DHRSX: variants seen among roughly 807,000 people sequenced by gnomAD.
DHRSX encodes the protein dehydrogenase/reductase X-linked, also known as polyprenol dehydrogenase.
A neutral mutation model predicts 34.0 loss-of-function variants in DHRSX; 31 were observed. The observed-to-expected ratio is 0.91, with a 90% CI of 0.69 to 1.23. The LOEUF is 1.23. Among genes scored for constraint, DHRSX ranks in the 50% most tolerant of loss-of-function variants. The pLI is 0.00. For missense variants in DHRSX, 414 were observed against 428.1 expected (o/e 0.97, Z 0.29); for synonymous variants, 201 against 183.8 (o/e 1.09, Z -0.76).
rs1230673885 is a variant in DHRSX at position 2,220,842 on chromosome X, T to C, written c.*199A>G. The stretch of plus-strand genomic sequence containing the variant: ...CACAAAGTTTATGGTTGAAGACCAC[T>C]TGGGGTGATTATCCTCCAAAATGTT... On this transcript the variant is annotated 3_prime_UTR_variant, in exon 7 of 7. Coordinates refer to ENST00000334651, the MANE Select transcript of DHRSX (RefSeq NM_145177.3). The C allele has an allele frequency of 3.7e-6, 2 of 543,188 alleles. No homozygotes were observed. Among genetic ancestry groups the C allele is most frequent in the Non-Finnish European group, 6.6e-6 (2 of 304,360 alleles). 33.6% of individuals were successfully genotyped at this position (543,188 alleles called of 1,614,324 possible).
intron 1 of DHRSX, among the ~76,000 whole-genome samples, chrX:2,483,942 T>C (rs2044816354): frequency 6.6e-6 from 1 of 151,928 alleles, no homozygotes; most frequent in Non-Finnish European, 1.5e-5. Context: ...CAATAATATT[T>C]CTTGACACAA....
intron 6 of DHRSX, among the ~76,000 whole-genome samples, chrX:2,237,717 C>T (rs1374616022): frequency 6.6e-6 from 1 of 151,942 alleles, no homozygotes; most frequent in Non-Finnish European, 1.5e-5. Flanking sequence ...GTTGGTTAGG[C>T]TGGTCTTGAA....
At chrX:2,367,085 T>TG (rs2043002380) in intron 3 of DHRSX, among the ~76,000 whole-genome samples, 1 of 152,068 alleles carries the variant, frequency 6.6e-6, no homozygotes, top group African/African-American at 2.4e-5. Context: ...GGGCCCCCTT[T>TG]CAAGAGGAAC....
rs759346761 is a variant in DHRSX, at chrX:2,390,570, T to C, written c.286+18175A>G. Reference sequence around the variant, plus strand: ...TATTGTTATGTAGCCATCACTGCCATGCATCTCCAAAATATTTTCATCTTG... The same window carrying C: ...TATTGTTATGTAGCCATCACTGCCACGCATCTCCAAAATATTTTCATCTTG... On this transcript the variant is annotated intron_variant, in intron 3 of 6. Coordinates refer to ENST00000334651, the MANE Select transcript of DHRSX (RefSeq NM_145177.3). Among the ~76,000 whole-genome samples the C allele has an allele frequency of 2.2e-4, 34 of 152,332 alleles. No individual in the cohort carries two copies. In the South Asian group the frequency reaches 6.8e-3, roughly 31 times the overall value.
intron 1 of DHRSX, among the ~76,000 whole-genome samples, chrX:2,477,250 C>A (rs1204330271): frequency 6.6e-6 from 1 of 152,152 alleles, no homozygotes; most frequent in Admixed American, 6.6e-5. Context: ...GGTACCACGA[C>A]TTAGTGTCCA....
chrX:2,283,496 G>T (rs999959250), intron 4 of DHRSX, among the ~76,000 whole-genome samples: 1 of 152,148 alleles, frequency 6.6e-6, no homozygotes. Flanking sequence ...TCCCGGGAGG[G>T]AGACCAGATG....
rs367783184 is a variant in DHRSX at position 2,313,363 on chromosome X, AT to A, written c.287-21761del. On this transcript the variant is annotated intron_variant, in intron 3 of 6. Transcript: ENST00000334651. ...TATAGCTTCCATGTATTGATTTATG[AT>A]TTTTTTTTTACTTATTATTTTTGAG... 1.3e-3 allele frequency among the ~76,000 whole-genome samples: 188 copies of A among 146,638 alleles called. 1 individual carries two copies. The highest frequency in any genetic ancestry group is 2.5e-3 in the Non-Finnish European group (166 of 66,454).
intron 1 of DHRSX, chrX:2,489,312 T>C (rs769283398): frequency 3.1e-6 from 5 of 1,613,722 alleles, no homozygotes; most frequent in Non-Finnish European, 4.2e-6. Flanking sequence ...GTGGCCACGT[T>C]GAGAAACATG....
chrX:2,414,193 G>A (rs1051487208), intron 2 of DHRSX, among the ~76,000 whole-genome samples: 1 of 150,158 alleles, frequency 6.7e-6, no homozygotes, highest in Non-Finnish European at 1.5e-5. Flanking sequence ...CTACCTCATC[G>A]TGACCTAACT....
chrX:2,290,238 C>T (rs779674473), intron 4 of DHRSX, among the ~76,000 whole-genome samples: 2 of 152,198 alleles, frequency 1.3e-5, no homozygotes, highest in East Asian at 3.9e-4. Context: ...ATCCACTTTC[C>T]TATCCTCCAA....
In DHRSX at chrX:2,318,478, C is replaced by A. The variant is rs1173195288; in HGVS notation, c.287-26875G>T. 2.0e-5 allele frequency among the ~76,000 whole-genome samples: 3 copies of A among 151,404 alleles called. No homozygotes were observed. The East Asian group carries it at 5.8e-4, about 29-fold the overall frequency. ...AACAGGTTGTGGTAAAGAAGCTGGC[C>A]AAACCCCATGCAAACCAAGATGGCG... On this transcript the variant is annotated intron_variant, in intron 3 of 6. Transcript: ENST00000334651.
At chrX:2,469,750 G>A (rs984179254) in intron 1 of DHRSX, among the ~76,000 whole-genome samples, 4 of 150,862 alleles carry the variant, frequency 2.7e-5, no homozygotes, top group South Asian at 2.1e-4. Context: ...CCAAGGGACC[G>A]ACACCATGTA....
At position 2,496,642 on chromosome X, in the gene DHRSX, C is replaced by G. The variant is rs780262064; in HGVS notation, c.109+4175G>C. 3.3e-5 allele frequency among the ~76,000 whole-genome samples: 5 copies of G among 151,942 alleles called. No homozygotes were observed. In the South Asian group the frequency reaches 6.2e-4, roughly 19 times the overall value. ...CCCAATAACCTATGGAAATAAAAAA[C>G]AAAAATAGCTAAAAGAGATTTTAAA... On this transcript the variant is annotated intron_variant, in intron 1 of 6. Coordinates refer to ENST00000334651, the MANE Select transcript of DHRSX (RefSeq NM_145177.3).
intron 5 of DHRSX, among the ~76,000 whole-genome samples, chrX:2,259,758 T>C (rs1203005772): frequency 3.4e-5 from 5 of 148,854 alleles, no homozygotes; most frequent in African/African-American, 1.2e-4. Flanking sequence ...GACCCCGTGG[T>C]CAGATCACTC....
chrX:2,450,828 T>C (rs1178279983), intron 1 of DHRSX, among the ~76,000 whole-genome samples: 2 of 152,110 alleles, frequency 1.3e-5, no homozygotes, highest in African/African-American at 2.4e-5. Flanking sequence ...AATTCCTGCA[T>C]TGAAATCCTC....
chrX:2,493,600 G>C (rs1376457153), intron 1 of DHRSX, among the ~76,000 whole-genome samples: 2 of 151,752 alleles, frequency 1.3e-5, no homozygotes, highest in African/African-American at 4.8e-5. Flanking sequence ...AGTAACAAAG[G>C]TTTATATTCT....
chrX:2,307,783 T>TA (rs1479543515), intron 3 of DHRSX, among the ~76,000 whole-genome samples: 5 of 102,646 alleles, frequency 4.9e-5, no homozygotes, highest in Non-Finnish European at 1.3e-4. Context: ...AAAAAAGTAA[T>TA]AAAAATAAAA....
chrX:2,294,134 G>A (rs2041901381), intron 3 of DHRSX, among the ~76,000 whole-genome samples: 1 of 151,818 alleles, frequency 6.6e-6, no homozygotes, highest in Admixed American at 6.6e-5. Context: ...AAAAGGGGAA[G>A]AGAGAAAAAA....
chrX:2,276,871 A>AGAAGGAAG (rs2041667740), intron 4 of DHRSX, among the ~76,000 whole-genome samples: 1 of 24,778 alleles, frequency 4.0e-5, no homozygotes, highest in Non-Finnish European at 1.0e-4. Context: ...AGGGAGAGAG[A>AGAAGGAAG]AGGAGGGGAG....
Sources: allele counts gnomAD v4.1 joint callset (sites outside exome capture counted in the v4.1 genomes callset), GRCh38; gene constraint gnomAD v4.1.1; transcripts MANE v1.5; gene names NCBI Gene and HGNC (gene_info 2026-07-23, HGNC 2026-07-21).